Variants in EHBP1 observed in about 807,000 individuals in gnomAD.
The protein encoded by EHBP1 is EH domain-binding protein 1.
Under a neutral mutation model 144.0 loss-of-function variants are expected in EHBP1, and 55 were observed. The ratio of observed to expected loss-of-function variants is 0.38; its 90% CI spans 0.31 to 0.48. EHBP1 has a LOEUF of 0.48. Ranked by LOEUF, EHBP1 falls within the 20% of genes least tolerant of loss-of-function variation. EHBP1 has a pLI of 0.98. For synonymous variants in EHBP1, 469 were observed against 472.7 expected, an observed-to-expected ratio of 0.99 and a Z score of 0.10; for missense variants, 1,200 against 1,364.2, an observed-to-expected ratio of 0.88 and a Z score of 1.90.
At chr2:62,964,256 T>G (rs528959696) in intron 14 of EHBP1, among the ~76,000 whole-genome samples, 1 of 152,160 alleles carries the variant, frequency 6.6e-6, no homozygotes, top group Admixed American at 6.5e-5. Context: ...AAAGTCTTAT[T>G]TGAGGTTGCC....
chr2:62,830,853 A>G (rs2046778569), intron 6 of EHBP1, among the ~76,000 whole-genome samples, 166 bp from the exon 7 acceptor site: 1 of 152,252 alleles, frequency 6.6e-6, no homozygotes, highest in African/African-American at 2.4e-5. Context: ...CCATTTAAAA[A>G]TTAATGAATA....
intron 1 of EHBP1, among the ~76,000 whole-genome samples, chr2:62,681,883 G>T (rs1260298700): frequency 6.6e-6 from 1 of 152,080 alleles, no homozygotes; most frequent in Non-Finnish European, 1.5e-5. Flanking sequence ...ATAAAATATT[G>T]GAAAGAGCCA....
intron 5 of EHBP1, among the ~76,000 whole-genome samples, chr2:62,814,968 A>T (rs1475493853): frequency 6.6e-6 from 1 of 152,216 alleles, no homozygotes; most frequent in East Asian, 1.9e-4. Context: ...AATAGGTACA[A>T]TATGAAAAAA....
At chr2:63,043,917 G>GTTTTTTTTTTTTTTTTTTTTT (rs1559110359) in intron 21 of EHBP1, 2 of 36,166 alleles carry the variant, frequency 5.5e-5, no homozygotes, top group African/African-American at 2.9e-4. Flanking sequence ...AGTGGCCATG[G>GTTTTTTTTTTTTTTTTTTTTT]TTCTTTTTTT....
chr2:62,850,513 T>C (rs1412741408), intron 7 of EHBP1, among the ~76,000 whole-genome samples: 20 of 152,140 alleles, frequency 1.3e-4, no homozygotes, highest in Admixed American at 1.3e-3. Flanking sequence ...TAGTTTCTCT[T>C]CTTATTCTCA....
chr2:62,836,193 C>T (rs1490746540), intron 7 of EHBP1, among the ~76,000 whole-genome samples: 26 of 152,154 alleles, frequency 1.7e-4, no homozygotes, highest in East Asian at 1.9e-4. Context: ...CCCTGACCCC[C>T]GAGCAGCCTA....
At chr2:62,835,971 G>T (rs1042447718) in intron 7 of EHBP1, among the ~76,000 whole-genome samples, 3 of 151,584 alleles carry the variant, frequency 2.0e-5, no homozygotes, top group Admixed American at 2.0e-4. Flanking sequence ...CCGGAAGCTC[G>T]AACTGGGTGG....
intron 3 of EHBP1, among the ~76,000 whole-genome samples, chr2:62,749,346 T>G (rs1243182901): frequency 6.6e-6 from 1 of 152,262 alleles, no homozygotes; most frequent in East Asian, 1.9e-4. Context: ...TAGTATTCCA[T>G]GGTGTCTATG....
At chr2:62,715,472 T>C (rs2035585015) in intron 2 of EHBP1, among the ~76,000 whole-genome samples, 1 of 152,006 alleles carries the variant, frequency 6.6e-6, no homozygotes, top group South Asian at 2.1e-4. Flanking sequence ...TTTTGGTATT[T>C]TAAAAATATA....
At chr2:62,844,697 C>T (rs888203234) in intron 7 of EHBP1, among the ~76,000 whole-genome samples, 1 of 152,116 alleles carries the variant, frequency 6.6e-6, no homozygotes, top group Non-Finnish European at 1.5e-5. Flanking sequence ...GAATACATCA[C>T]AGAAAATCAA....
intron 3 of EHBP1, among the ~76,000 whole-genome samples, chr2:62,752,889 G>A (rs563153803): frequency 2.6e-5 from 4 of 152,054 alleles, no homozygotes; most frequent in African/African-American, 9.7e-5. Context: ...TTGAGCCTAT[G>A]TGTGTCTCTG....
At chr2:62,907,298 T>G (rs2053879966) in intron 10 of EHBP1, among the ~76,000 whole-genome samples, 1 of 152,204 alleles carries the variant, frequency 6.6e-6, no homozygotes, top group African/African-American at 2.4e-5. Context: ...CCCCAGCATT[T>G]AGTGTTGTCA....
intron 7 of EHBP1, among the ~76,000 whole-genome samples, chr2:62,841,959 A>G (rs1187941728): frequency 2.0e-5 from 3 of 152,146 alleles, no homozygotes; most frequent in Non-Finnish European, 4.4e-5. Flanking sequence ...TGGGAAGTCC[A>G]ATATGAAGGA....
At chr2:62,996,881 A>G (rs1245183789) in intron 19 of EHBP1, 115 bp downstream of exon 19, 1 of 1,465,778 alleles carries the variant, frequency 6.8e-7, no homozygotes, top group African/African-American at 1.4e-5. Flanking sequence ...AACTGCCTTG[A>G]AAATAAAAAG....
chr2:62,815,881 T>A (rs1305629153), intron 5 of EHBP1, among the ~76,000 whole-genome samples: 1 of 152,192 alleles, frequency 6.6e-6, no homozygotes, highest in East Asian at 1.9e-4. Context: ...GAATCAATAT[T>A]TTTCAAATGA....
intron 5 of EHBP1, among the ~76,000 whole-genome samples, chr2:62,821,645 A>C (rs1439770489): frequency 6.6e-6 from 1 of 152,132 alleles, no homozygotes; most frequent in Non-Finnish European, 1.5e-5. Context: ...GCACCACTGC[A>C]CTCTATCCTG....
chr2:62,921,771 T>A (rs2055107666), intron 10 of EHBP1, among the ~76,000 whole-genome samples: 1 of 152,242 alleles, frequency 6.6e-6, no homozygotes, highest in Admixed American at 6.5e-5. Flanking sequence ...TTACTAATTA[T>A]CTACTCTTGA....
At chr2:62,864,585 A>G (rs2049896233) in intron 8 of EHBP1, 146 bp from the exon 9 acceptor site, 2 of 742,292 alleles carry the variant, frequency 2.7e-6, no homozygotes, top group Non-Finnish European at 4.3e-6. Flanking sequence ...CCTCTAAAAT[A>G]TATTATTGTT....
intron 5 of EHBP1, among the ~76,000 whole-genome samples, chr2:62,796,842 T>A (rs1000983460): frequency 7.9e-5 from 12 of 151,110 alleles, no homozygotes; most frequent in South Asian, 2.1e-4. Flanking sequence ...TTTTTTTTTT[T>A]AAATTTCTAA....
Sources: allele counts gnomAD v4.1 joint callset (sites outside exome capture counted in the v4.1 genomes callset), GRCh38; gene constraint gnomAD v4.1.1; transcripts MANE v1.5; gene names NCBI Gene and HGNC (gene_info 2026-07-23, HGNC 2026-07-21).